Variants in DNAH5 observed in about 807,000 individuals in gnomAD.
DNAH5 encodes dynein axonemal heavy chain 5.
In DNAH5, 372 loss-of-function variants were observed where a neutral mutation model predicts 518.2. The observed-to-expected ratio is 0.72, with a 90% CI of 0.66 to 0.78. The LOEUF is 0.78. DNAH5 is among the 30% of genes least tolerant of loss of function. The pLI is 0.00. For synonymous variants in DNAH5, 2,039 were observed against 2,025.9 expected (o/e 1.01, Z -0.17); for missense variants, 5,523 against 5,687.0 (o/e 0.97, Z 0.93).
At chr5:13,885,667 C>T (rs966105126) in intron 18 of DNAH5, among the ~76,000 whole-genome samples, 7 of 152,178 alleles carry the variant, frequency 4.6e-5, no homozygotes, top group African/African-American at 1.7e-4. Context: ...AGTCAATAAT[C>T]CATCCAACTC....
intron 1 of DNAH5, among the ~76,000 whole-genome samples, chr5:13,979,915 C>A (rs1782553235): frequency 6.7e-6 from 1 of 149,922 alleles, no homozygotes; most frequent in Admixed American, 6.7e-5. Context: ...ATTTGGCTCA[C>A]TGCAACCTCC....
chr5:13,914,845 A>C (rs916424168), intron 9 of DNAH5, among the ~76,000 whole-genome samples: 6 of 152,116 alleles, frequency 3.9e-5, no homozygotes, highest in African/African-American at 1.4e-4. Context: ...CAGAGTTGGA[A>C]GCACCATGGA....
At chr5:13,935,717 T>A (rs1216048364) in intron 1 of DNAH5, among the ~76,000 whole-genome samples, 1 of 152,168 alleles carries the variant, frequency 6.6e-6, no homozygotes, top group African/African-American at 2.4e-5. Context: ...GCACTGTCAA[T>A]CCGCAGACCT....
chr5:13,739,846 C>T (rs1457826273), intron 65 of DNAH5, among the ~76,000 whole-genome samples: 1 of 152,112 alleles, frequency 6.6e-6, no homozygotes, highest in Non-Finnish European at 1.5e-5. Flanking sequence ...AAACTTATCC[C>T]CATACTACTC....
At chr5:13,833,632 T>C (rs1386658617) in intron 35 of DNAH5, among the ~76,000 whole-genome samples, 2 of 152,092 alleles carry the variant, frequency 1.3e-5, no homozygotes, top group African/African-American at 4.8e-5. Context: ...ACACAGCTGC[T>C]AGGGGCAGAG....
At chr5:13,987,643 A>C (rs543104635) in intron 1 of DNAH5, among the ~76,000 whole-genome samples, 1 of 152,288 alleles carries the variant, frequency 6.6e-6, no homozygotes, top group South Asian at 2.1e-4. Flanking sequence ...ACCTGACGTC[A>C]GGAGTTCAAG....
intron 59 of DNAH5, 136 bp downstream of exon 59, chr5:13,765,840 T>C (rs1580125559): frequency 1.0e-6 from 1 of 952,512 alleles, no homozygotes; most frequent in East Asian, 2.4e-5. Flanking sequence ...ATGTTTTATA[T>C]TTGAGACAAA....
In DNAH5 at chr5:13,902,149, A is replaced by G. The variant is rs936419242; in HGVS notation, c.1645-11T>C. On this transcript the variant is annotated splice_polypyrimidine_tract_variant and intron_variant, in intron 12 of 78. Coordinates refer to ENST00000265104, the MANE Select transcript of DNAH5 (RefSeq NM_001369.3). ...CTTCCGCAACTCGTTCTAAAACAGA[A>G]TAAAATCTGATGATGAACAATAGAA... is the stretch of plus-strand genomic sequence containing the variant. 2 of 1,567,608 alleles carry G rather than the reference A, an allele frequency of 1.3e-6. No individual in the cohort carries two copies. The highest frequency in any genetic ancestry group is 1.8e-6 in the Non-Finnish European group (2 of 1,140,684).
chr5:13,909,807 G>A (rs961806117), intron 12 of DNAH5, among the ~76,000 whole-genome samples: 39 of 152,168 alleles, frequency 2.6e-4, no homozygotes, highest in African/African-American at 8.4e-4. Flanking sequence ...GAGCTGCGAG[G>A]GCATATCTAC....
intron 33 of DNAH5, 97 bp downstream of exon 33, chr5:13,841,595 G>T: frequency 1.0e-6 from 1 of 969,000 alleles, no homozygotes; most frequent in Non-Finnish European, 1.6e-6. Context: ...CTGGTCTAGA[G>T]TTAAATTATA....
At chr5:13,952,806 G>A (rs1485197211) in intron 1 of DNAH5, among the ~76,000 whole-genome samples, 3 of 152,036 alleles carry the variant, frequency 2.0e-5, no homozygotes, top group Non-Finnish European at 2.9e-5. Flanking sequence ...TTAAAGAGAC[G>A]GGGTCTCACT....
At chr5:13,885,623 G>A (rs1561505721) in intron 18 of DNAH5, among the ~76,000 whole-genome samples, 1 of 152,112 alleles carries the variant, frequency 6.6e-6, no homozygotes, top group Non-Finnish European at 1.5e-5. Context: ...TGCAAAAGGT[G>A]CGCTCAGTCT....
chr5:13,944,424 C>T lies in DNAH5; in HGVS notation c.15G>A (p.Gly5=), dbSNP rs2152029091. The T allele has an allele frequency of 1.9e-6, 3 of 1,613,470 alleles. No individual in the cohort carries two copies. Among genetic ancestry groups the T allele is most frequent in the Non-Finnish European group, 2.5e-6 (3 of 1,179,920 alleles). ...CGCTATGCTTCCAGAGCTGTCTCCT[C>T]CCAATCCTAAACATTGTAGCCGTGC... The part of the protein sequence containing the change: MFRI[G]RRQLWKHSVT... Residue 5 remains glycine (G), a synonymous_variant, in exon 1 of 79, where the codon GGG becomes GGA. Coordinates refer to ENST00000265104, the MANE Select transcript of DNAH5 (RefSeq NM_001369.3).
At position 13,809,484 on chromosome 5, in the gene DNAH5, T is replaced by A. The variant is rs374865766; in HGVS notation, c.7610-298A>T. On this transcript the variant is annotated intron_variant, in intron 45 of 78. Transcript: ENST00000265104. The stretch of plus-strand genomic sequence containing the variant: ...ATAAAAATACAGAACAGAGTGAGAG[T>A]AGTGTGTATCTAAAATCATTAGTCA... 1.1e-4 allele frequency among the ~76,000 whole-genome samples: 17 copies of A among 152,152 alleles called. No homozygotes were observed. In the South Asian group the frequency reaches 2.1e-3, roughly 19 times the overall value.
At position 13,705,672 on chromosome 5, in the gene DNAH5, C is replaced by T. The variant is rs184642086; in HGVS notation, c.13338+2451G>A. Among the ~76,000 whole-genome samples, 354 of 152,186 alleles carry T rather than the reference C, an allele frequency of 2.3e-3. 1 individual carries two copies. The highest frequency in any genetic ancestry group is 3.7e-3 in the Admixed American group (57 of 15,286). ...CAGCACCTAACAACGTGATCTTATG[C>T]GGGAACAGGGTCTTTACAGAGGAAA... is the stretch of plus-strand genomic sequence containing the variant. On this transcript the variant is annotated intron_variant, in intron 76 of 78. Coordinates refer to ENST00000265104, the MANE Select transcript of DNAH5 (RefSeq NM_001369.3).
intron 68 of DNAH5, among the ~76,000 whole-genome samples, chr5:13,734,151 A>G (rs191988118): frequency 1.3e-5 from 2 of 152,096 alleles, no homozygotes; most frequent in African/African-American, 4.8e-5. Context: ...GTCACTAGAG[A>G]GCTTGCTTCC....
chr5:13,775,835 C>T (rs1754010431), intron 55 of DNAH5, among the ~76,000 whole-genome samples: 1 of 152,108 alleles, frequency 6.6e-6, no homozygotes, highest in Non-Finnish European at 1.5e-5. Flanking sequence ...TAAGGCTCTT[C>T]TGCATAAAAC....
In DNAH5 at chr5:13,737,244, A is replaced by G; in HGVS notation, c.11455+8T>C. ...CCTGTGACATTTGTCTTTCATTACC[A>G]AACTCACCAGGTCTGTATTCCTCCC... On this transcript the variant is annotated splice_region_variant and intron_variant, in intron 66 of 78. Coordinates refer to ENST00000265104, the MANE Select transcript of DNAH5 (RefSeq NM_001369.3). 1 of 1,613,944 alleles carries G rather than the reference A, an allele frequency of 6.2e-7. No homozygotes were observed. Among genetic ancestry groups the G allele is most frequent in the Non-Finnish European group, 8.5e-7 (1 of 1,179,928 alleles).
chr5:13,865,969 A>G, intron 26 of DNAH5, 63 bp from the exon 27 acceptor site: 1 of 1,227,112 alleles, frequency 8.1e-7, no homozygotes, highest in South Asian at 1.2e-5. Context: ...TACAAATGAA[A>G]ATATAAGATT....
Sources: allele counts gnomAD v4.1 joint callset (sites outside exome capture counted in the v4.1 genomes callset), GRCh38; gene constraint gnomAD v4.1.1; transcripts MANE v1.5; gene names NCBI Gene and HGNC (gene_info 2026-07-23, HGNC 2026-07-21).